Variants in ZNF599 observed in about 807,000 individuals in gnomAD.
ZNF599 encodes the protein zinc finger protein 599.
In ZNF599, 10 loss-of-function variants were observed where a neutral mutation model predicts 11.7. The observed-to-expected ratio is 0.86, with a 90% confidence interval of 0.53 to 1.45. ZNF599 has a LOEUF of 1.45. Ranked by LOEUF, ZNF599 falls within the 40% of genes most tolerant of loss-of-function variation. The probability of loss-of-function intolerance (pLI) is 0.00; values close to 1 mark genes in which losing one functional copy is unlikely to be tolerated. For synonymous variants in ZNF599, 232 were observed against 253.2 expected (o/e 0.92, Z 0.79); for missense variants, 688 against 713.6 (o/e 0.96, Z 0.41).
intron 3 of ZNF599, chr19:34,762,888 T>A (rs1230689626): frequency 6.6e-6 from 1 of 152,234 alleles, no homozygotes; most frequent in Non-Finnish European, 1.5e-5. Context: ...TTTTTCTGAC[T>A]TTTTATTGTG....
Position 34,759,780 on chromosome 19 carries a change from A to G in ZNF599, c.1021T>C (p.Cys341Arg). ...RIHTGKKLYE[C>R]GECGKAFTHR... ...GTGAAGGCCTTTCCACATTCACCGC[A>G]CTCATAGAGTTTCTTTCCAGTATGA... The change falls in exon 4 of 4, where the codon TGC becomes CGC. Residue 341 changes from cysteine to arginine, a missense_variant. By Grantham distance (180) the Cys-to-Arg change is radical. Coordinates refer to ENST00000329285, the MANE Select transcript of ZNF599 (RefSeq NM_001007248.3). 6.2e-7 allele frequency: 1 copy of G among 1,614,100 alleles called. No individual in the cohort carries two copies. Among genetic ancestry groups the G allele is most frequent in the African/African-American group, 1.3e-5 (1 of 75,042 alleles).
At chr19:34,782,093 T>C in the ZNF599 span, among the ~76,000 whole-genome samples, 1 of 152,246 alleles carries the variant, frequency 6.6e-6, no homozygotes, top group Non-Finnish European at 1.5e-5. Context: ...CTCGTCTTCC[T>C]ACTTCCCAAG....
the ZNF599 span, among the ~76,000 whole-genome samples, chr19:34,804,304 G>A: frequency 2.0e-5 from 3 of 152,226 alleles, no homozygotes; most frequent in African/African-American, 7.2e-5. Context: ...CCACATGAAT[G>A]TCTATTCTTC....
At chr19:34,786,265 C>T in the ZNF599 span, among the ~76,000 whole-genome samples, 1 of 152,122 alleles carries the variant, frequency 6.6e-6, no homozygotes, top group Non-Finnish European at 1.5e-5. Context: ...TCTGACATTT[C>T]CTCTTAGTGC....
At chr19:34,794,251 G>A in the ZNF599 span, among the ~76,000 whole-genome samples, 128 of 152,302 alleles carry the variant, frequency 8.4e-4, 2 homozygotes, top group Admixed American at 7.9e-3. Flanking sequence ...GGAGCTACAC[G>A]ATGAGATTTG....
At chr19:34,766,461 AAAAG>A (rs1294670964) in intron 3 of ZNF599, among the ~76,000 whole-genome samples, 2 of 152,246 alleles carry the variant, frequency 1.3e-5, no homozygotes, top group African/African-American at 2.4e-5. Flanking sequence ...AATCTGCAGG[AAAAG>A]AAAGGACTGT....
chr19:34,779,164 A>C, the ZNF599 span, among the ~76,000 whole-genome samples: 1 of 151,402 alleles, frequency 6.6e-6, no homozygotes, highest in African/African-American at 2.4e-5. Flanking sequence ...CTATACTCAA[A>C]TCCTGAACTC....
chr19:34,764,093 A>C (rs977659148), intron 3 of ZNF599: 1 of 152,230 alleles, frequency 6.6e-6, no homozygotes, highest in Admixed American at 6.5e-5. Context: ...AAAAAAACCC[A>C]AAAACCAAAC....
the ZNF599 span, among the ~76,000 whole-genome samples, chr19:34,789,730 A>C: frequency 3.3e-5 from 5 of 152,162 alleles, no homozygotes; most frequent in African/African-American, 9.6e-5. Flanking sequence ...GTTTCAGTTC[A>C]TTATATATTT....
At chr19:34,777,991 G>C (rs1568497263), upstream of ZNF599, among the ~76,000 whole-genome samples, 1 of 152,062 alleles carries the variant, frequency 6.6e-6, no homozygotes, top group Non-Finnish European at 1.5e-5. Context: ...TAAAAGGGGG[G>C]GAGGGGAGAG....
the ZNF599 span, among the ~76,000 whole-genome samples, chr19:34,798,966 T>C: frequency 6.6e-6 from 1 of 152,216 alleles, no homozygotes; most frequent in Non-Finnish European, 1.5e-5. Context: ...GTAGTTTGTC[T>C]TTCCCAGAAT....
At chr19:34,765,760 T>C in intron 3 of ZNF599, 1 of 686,338 alleles carries the variant, frequency 1.5e-6, no homozygotes, top group Non-Finnish European at 2.7e-6. Flanking sequence ...AGGGAGGCGG[T>C]GATACATGGA....
At chr19:34,765,173 G>C (rs750828683) in intron 3 of ZNF599, 21 of 164,480 alleles carry the variant, frequency 1.3e-4, no homozygotes, top group South Asian at 5.3e-4. Context: ...GCAGCTGAGA[G>C]ATTCACGTAT....
At chr19:34,792,874 A>AG in the ZNF599 span, among the ~76,000 whole-genome samples, 1 of 151,998 alleles carries the variant, frequency 6.6e-6, no homozygotes, top group African/African-American at 2.4e-5. Context: ...AAAAAAAAAA[A>AG]AGATATTAAT....
chr19:34,769,141 AC>A (rs2069165098), intron 2 of ZNF599, among the ~76,000 whole-genome samples: 1 of 152,352 alleles, frequency 6.6e-6, no homozygotes, highest in African/African-American at 2.4e-5. Flanking sequence ...ATTTGACTCA[AC>A]CAAGCTGGGC....
chr19:34,788,499 T>G, the ZNF599 span: 2 of 152,226 alleles, frequency 1.3e-5, no homozygotes, highest in Non-Finnish European at 2.9e-5. Context: ...AAAAGTGTTT[T>G]TGAAGAAACA....
chr19:34,761,553 C>A lies in ZNF599; in HGVS notation c.242-994G>T, dbSNP rs143821449. On this transcript the variant is annotated intron_variant, in intron 3 of 3. Transcript: ENST00000329285. Reference sequence around the variant, plus strand: ...CTTAGTATTATGATGAAACTATATGCATTCAGGCAGTGTGATTAGGCATAG... The same window carrying A: ...CTTAGTATTATGATGAAACTATATGAATTCAGGCAGTGTGATTAGGCATAG... 9.2e-4 allele frequency among the ~76,000 whole-genome samples: 140 copies of A among 152,260 alleles called. 1 individual carries two copies. Among genetic ancestry groups the A allele is most frequent in the African/African-American group, 3.1e-3 (129 of 41,552 alleles).
At chr19:34,774,736 A>C (rs186092267), upstream of ZNF599, among the ~76,000 whole-genome samples, 240 of 152,218 alleles carry the variant, frequency 1.6e-3, no homozygotes, top group African/African-American at 5.4e-3. Context: ...ACACTCTCAC[A>C]TGCTTCTTAA....
chr19:34,783,421 A>G, the ZNF599 span, among the ~76,000 whole-genome samples: 1 of 152,268 alleles, frequency 6.6e-6, no homozygotes, highest in South Asian at 2.1e-4. Flanking sequence ...TCTGGGTTAT[A>G]TGGGTGCTCC....
Sources: gnomAD v4.1 joint callset for allele counts (sites outside exome capture counted in the v4.1 genomes callset) on GRCh38, gnomAD v4.1.1 for gene constraint, MANE v1.5 for transcripts, NCBI Gene and HGNC (gene_info 2026-07-23, HGNC 2026-07-21) for gene names.